NTM: variants seen among roughly 807,000 people sequenced by gnomAD.
NTM encodes neurotrimin, also known as IgLON family member 2.
Under a neutral mutation model 42.1 loss-of-function variants are expected in NTM, and 13 were observed. The observed-to-expected ratio is 0.31, with a 90% CI of 0.20 to 0.49. The LOEUF (loss-of-function observed/expected upper bound fraction) is 0.49. Among genes scored for constraint, NTM ranks in the 20% least tolerant of loss-of-function variants. The pLI, the probability that NTM is intolerant of heterozygous loss-of-function variation, is 0.99. For missense variants in NTM, 373 were observed against 452.8 expected (o/e 0.82, Z 1.60); for synonymous variants, 187 against 179.2 (o/e 1.04, Z -0.35).
At chr11:132,297,655 T>C (rs1374773623) in intron 4 of NTM, among the ~76,000 whole-genome samples, 1 of 152,248 alleles carries the variant, frequency 6.6e-6, no homozygotes, top group African/African-American at 2.4e-5. Context: ...AAGGCTCTGC[T>C]TCCCCGTGGA....
intron 2 of NTM, among the ~76,000 whole-genome samples, chr11:131,971,750 GAA>G (rs201385891): frequency 0.14 from 20,496 of 148,322 alleles, 1,809 homozygotes; most frequent in East Asian, 0.32. Context: ...ACAAAAAAAA[GAA>G]AAAAAAAAAT....
intron 1 of NTM, among the ~76,000 whole-genome samples, chr11:131,430,722 G>A (rs1948578065): frequency 6.6e-6 from 1 of 152,246 alleles, no homozygotes. Flanking sequence ...CAGCACTCCA[G>A]CAGGGCTGAC....
chr11:131,520,940 A>T (rs1472784633), intron 1 of NTM, among the ~76,000 whole-genome samples: 4 of 152,152 alleles, frequency 2.6e-5, no homozygotes, highest in Non-Finnish European at 5.9e-5. Context: ...GCTTCCGTTG[A>T]GGTCTCAGGA....
At chr11:131,961,944 G>T (rs1442079811) in intron 2 of NTM, among the ~76,000 whole-genome samples, 1 of 152,064 alleles carries the variant, frequency 6.6e-6, no homozygotes, top group Non-Finnish European at 1.5e-5. Context: ...GATGATGATG[G>T]ATCCATGCAC....
chr11:132,088,487 TTTA>T (rs1039330458), intron 2 of NTM, among the ~76,000 whole-genome samples: 8 of 152,138 alleles, frequency 5.3e-5, no homozygotes, highest in African/African-American at 1.4e-4. Flanking sequence ...GGGCAGAATT[TTTA>T]TTAAGTGAAA....
At chr11:132,125,908 GTA>G (rs1024104327) in intron 2 of NTM, among the ~76,000 whole-genome samples, 5 of 150,504 alleles carry the variant, frequency 3.3e-5, no homozygotes, top group African/African-American at 1.2e-4. Context: ...GCATGTGTTT[GTA>G]TGTGTGTGTG....
intron 1 of NTM, among the ~76,000 whole-genome samples, chr11:131,853,427 T>C (rs186216532): frequency 1.1e-3 from 167 of 152,250 alleles, no homozygotes; most frequent in African/African-American, 3.8e-3. Context: ...CCAGTGTGTG[T>C]TGTTTCCCCC....
chr11:131,469,976 G>A (rs922259244), intron 1 of NTM, among the ~76,000 whole-genome samples: 10 of 152,150 alleles, frequency 6.6e-5, no homozygotes, highest in Admixed American at 2.0e-4. Context: ...TTTCCTTAGA[G>A]CTCTGTAGCT....
At chr11:131,705,521 A>G (rs1247323954) in intron 1 of NTM, among the ~76,000 whole-genome samples, 1 of 152,204 alleles carries the variant, frequency 6.6e-6, no homozygotes, top group East Asian at 1.9e-4. Context: ...AATATAAATG[A>G]ATAAAACTCA....
At chr11:131,911,359 C>CGCTCA (rs2054922152) in intron 1 of NTM, 1 of 1,531,538 alleles carries the variant, frequency 6.5e-7, no homozygotes, top group African/African-American at 1.4e-5. Context: ...CCGCGCCTCC[C>CGCTCA]GGTCGCCGCG....
chr11:132,021,265 A>G (rs1325504289), intron 2 of NTM, among the ~76,000 whole-genome samples: 1 of 151,850 alleles, frequency 6.6e-6, no homozygotes, highest in Non-Finnish European at 1.5e-5. Context: ...CTACATATGG[A>G]TTTTTTTGTT....
chr11:131,703,170 C>A (rs1019903561), intron 1 of NTM, among the ~76,000 whole-genome samples: 1 of 152,180 alleles, frequency 6.6e-6, no homozygotes, highest in African/African-American at 2.4e-5. Flanking sequence ...GCTGAGTATA[C>A]TTCATAATTA....
At chr11:132,048,607 C>T (rs775825432) in intron 2 of NTM, among the ~76,000 whole-genome samples, 14 of 152,126 alleles carry the variant, frequency 9.2e-5, no homozygotes, top group Admixed American at 1.3e-4. Context: ...GTAGTGTGAA[C>T]ACGGTTGATG....
intron 7 of NTM, among the ~76,000 whole-genome samples, chr11:132,327,797 C>T (rs1369709543): frequency 1.3e-5 from 2 of 151,968 alleles, no homozygotes; most frequent in Non-Finnish European, 2.9e-5. Context: ...TTTCCTCTCT[C>T]CCTTTCTTCC....
At chr11:132,252,011 G>A (rs2091989418) in intron 4 of NTM, among the ~76,000 whole-genome samples, 1 of 152,288 alleles carries the variant, frequency 6.6e-6, no homozygotes, top group South Asian at 2.1e-4. Flanking sequence ...ATGACTGGGA[G>A]GCAAGGCCGT....
At chr11:131,599,363 C>T (rs947073167) in intron 1 of NTM, among the ~76,000 whole-genome samples, 1 of 150,336 alleles carries the variant, frequency 6.7e-6, no homozygotes, top group Non-Finnish European at 1.5e-5. Flanking sequence ...CGGCAGATGC[C>T]CTGTCTACCC....
intron 1 of NTM, among the ~76,000 whole-genome samples, chr11:131,882,535 C>T (rs1387719267): frequency 6.6e-6 from 1 of 152,174 alleles, no homozygotes; most frequent in African/African-American, 2.4e-5. Context: ...GATATGTGGA[C>T]ACATAAAATT....
In NTM at chr11:131,740,188, A is replaced by G. The variant is rs912046931; in HGVS notation, c.83-171376A>G. On this transcript the variant is annotated intron_variant, in intron 1 of 8. Transcript: ENST00000683400. ...AGCATGGGCTACGTTGTAAGAGTGT[A>G]TTCAATTCCCAGCCTCACTGGTTAC... Among the ~76,000 whole-genome samples the G allele has an allele frequency of 1.1e-4, 17 of 152,188 alleles. 1 individual carries two copies.
chr11:131,751,649 A>G (rs2082552839), intron 1 of NTM, among the ~76,000 whole-genome samples: 2 of 151,188 alleles, frequency 1.3e-5, no homozygotes, highest in Admixed American at 6.6e-5. Context: ...AGTCCTAGCT[A>G]CTCGAGAGGC....
Sources: gnomAD v4.1 joint callset for allele counts (sites outside exome capture counted in the v4.1 genomes callset) on GRCh38, gnomAD v4.1.1 for gene constraint, MANE v1.5 for transcripts, NCBI Gene and HGNC (gene_info 2026-07-23, HGNC 2026-07-21) for gene names.